SLC24A2: variants seen among roughly 807,000 people sequenced by gnomAD.
SLC24A2 encodes solute carrier family 24 member 2.
SLC24A2 carries 36 observed loss-of-function variants against 62.0 expected under a neutral mutation model. The ratio of observed to expected loss-of-function variants is 0.58; its 90% CI spans 0.44 to 0.77. The LOEUF (loss-of-function observed/expected upper bound fraction) is 0.77. Ranked by LOEUF, SLC24A2 falls within the 30% of genes least tolerant of loss-of-function variation. The probability of loss-of-function intolerance (pLI) is 0.00; values close to 1 mark genes in which losing one functional copy is unlikely to be tolerated. For synonymous variants in SLC24A2, 358 were observed against 294.0 expected, an observed-to-expected ratio of 1.22 and a Z score of -2.23; for missense variants, 846 against 817.9, an observed-to-expected ratio of 1.03 and a Z score of -0.42.
At chr9:19,894,499 G>A in the SLC24A2 span, among the ~76,000 whole-genome samples, 2 of 152,000 alleles carry the variant, frequency 1.3e-5, no homozygotes, top group Admixed American at 1.3e-4. Context: ...TTGATGAAAC[G>A]GCCAATTTTG....
the SLC24A2 span, among the ~76,000 whole-genome samples, chr9:20,296,540 A>C: frequency 6.6e-6 from 1 of 152,250 alleles, no homozygotes; most frequent in Non-Finnish European, 1.5e-5. Flanking sequence ...TCAGTAAATG[A>C]AGATGTAAAG....
At chr9:20,041,649 C>T in the SLC24A2 span, among the ~76,000 whole-genome samples, 1 of 152,216 alleles carries the variant, frequency 6.6e-6, no homozygotes, top group Admixed American at 6.5e-5. Context: ...CAGGGTCTGC[C>T]TCATACATAT....
chr9:19,647,068 GCACACACACACA>G (rs142480390), intron 2 of SLC24A2, among the ~76,000 whole-genome samples: 4 of 80,008 alleles, frequency 5.0e-5, no homozygotes, highest in East Asian at 6.4e-4. Context: ...ACACACGCGC[GCACACACACACA>G]CACACACACA....
upstream of SLC24A2, among the ~76,000 whole-genome samples, chr9:19,791,090 A>G (rs1823314894): frequency 6.6e-6 from 1 of 152,224 alleles, no homozygotes; most frequent in South Asian, 2.1e-4. Flanking sequence ...TCTCATGGTA[A>G]AAAGAAGTCT....
chr9:19,564,746 C>A (rs1835579641), intron 7 of SLC24A2, among the ~76,000 whole-genome samples: 3 of 152,100 alleles, frequency 2.0e-5, no homozygotes, highest in Admixed American at 2.0e-4. Context: ...AAATGTAGGA[C>A]ACAGTTTTTA....
the SLC24A2 span, among the ~76,000 whole-genome samples, chr9:20,160,622 C>A: frequency 6.6e-6 from 1 of 150,800 alleles, no homozygotes; most frequent in Non-Finnish European, 1.5e-5. Flanking sequence ...ATCAAAAAAA[C>A]CATTTCATGT....
At chr9:20,267,420 C>T in the SLC24A2 span, among the ~76,000 whole-genome samples, 15 of 152,298 alleles carry the variant, frequency 9.8e-5, no homozygotes, top group African/African-American at 3.4e-4. Flanking sequence ...GCTGGCGTCT[C>T]CTAGTGCTTG....
the SLC24A2 span, among the ~76,000 whole-genome samples, chr9:20,163,007 A>G: frequency 9.9e-5 from 15 of 152,136 alleles, no homozygotes; most frequent in Non-Finnish European, 1.8e-4. Flanking sequence ...ATCTATGACA[A>G]ACTCACAGCC....
the SLC24A2 span, among the ~76,000 whole-genome samples, chr9:19,906,316 A>G: frequency 6.6e-6 from 1 of 150,772 alleles, no homozygotes; most frequent in African/African-American, 2.4e-5. Flanking sequence ...TCTCTGGGAC[A>G]CATTCAAAGC....
chr9:19,713,939 A>T (rs570326666), intron 2 of SLC24A2, among the ~76,000 whole-genome samples: 8 of 152,318 alleles, frequency 5.3e-5, no homozygotes, highest in African/African-American at 1.7e-4. Context: ...AAGGGAAGAA[A>T]ATCCCCAAAC....
At chr9:20,135,631 C>G in the SLC24A2 span, among the ~76,000 whole-genome samples, 1 of 152,042 alleles carries the variant, frequency 6.6e-6, no homozygotes, top group African/African-American at 2.4e-5. Flanking sequence ...ATCATGTCTC[C>G]CCTTAAGTGA....
chr9:19,696,662 C>T (rs187773661), intron 2 of SLC24A2, among the ~76,000 whole-genome samples: 98 of 151,924 alleles, frequency 6.5e-4, no homozygotes, highest in African/African-American at 2.3e-3. Flanking sequence ...TAATATCATC[C>T]GAAAGATAAA....
the SLC24A2 span, among the ~76,000 whole-genome samples, chr9:20,294,074 G>A: frequency 3.0e-3 from 456 of 152,008 alleles, 2 homozygotes; most frequent in African/African-American, 0.011. Context: ...TTTTCTCCTA[G>A]ACCATCATCT....
chr9:20,023,481 C>G, the SLC24A2 span, among the ~76,000 whole-genome samples: 1 of 152,276 alleles, frequency 6.6e-6, no homozygotes, highest in Non-Finnish European at 1.5e-5. Flanking sequence ...ATCTTTGTAG[C>G]TGTCACTCAT....
Position 19,511,329 on chromosome 9 carries a change from G to A in SLC24A2, c.*4824C>T, listed in dbSNP as rs1343061054. On this transcript the variant is annotated 3_prime_UTR_variant, in exon 11 of 11. Coordinates refer to ENST00000341998, the MANE Select transcript of SLC24A2 (RefSeq NM_020344.4). Reference sequence around the variant, plus strand: ...AGAGTCAGGGAGCTAACAGTAAATAGAAGGTGGAATAGGGCAGGGTTACTT... The same window carrying A: ...AGAGTCAGGGAGCTAACAGTAAATAAAAGGTGGAATAGGGCAGGGTTACTT... 1 of 152,144 alleles carries A rather than the reference G, an allele frequency of 6.6e-6. No individual in the cohort carries two copies. Among genetic ancestry groups the A allele is most frequent in the Admixed American group, 6.5e-5 (1 of 15,268 alleles). 9.4% of individuals were successfully genotyped at this position (152,144 alleles called of 1,614,324 possible).
At chr9:20,236,438 C>T in the SLC24A2 span, among the ~76,000 whole-genome samples, 3 of 152,098 alleles carry the variant, frequency 2.0e-5, no homozygotes, top group Admixed American at 6.5e-5. Context: ...AGGGAGGAGG[C>T]CATCATGAAA....
rs779642132 is a variant in SLC24A2, at chr9:19,786,321, T to G, written c.546A>C (p.Ala182=). The change falls in exon 2 of 11, where the codon GCA becomes GCC. Residue 182 remains alanine, a synonymous_variant. Transcript: ENST00000341998. This position sits in a 1 kb window ranked among gnomAD's most constrained non-coding sequence, Gnocchi z 5.0. The stretch of plus-strand genomic sequence containing the variant: ...TGAAAAGTTCTGGGGCTGACCCTCC[T>G]GCAGCCATGAAGGTGGCTCCAGCCA... ...DDVAGATFMA[A]GGSAPELFTS... 2.5e-6 allele frequency: 4 copies of G among 1,614,062 alleles called. No individual in the cohort carries two copies. The highest frequency in any genetic ancestry group is 1.7e-6 in the Non-Finnish European group (2 of 1,180,040).
At chr9:19,985,899 G>A in the SLC24A2 span, among the ~76,000 whole-genome samples, 9 of 151,988 alleles carry the variant, frequency 5.9e-5, no homozygotes, top group Non-Finnish European at 1.0e-4. Flanking sequence ...AAAAGCATGA[G>A]CAACACAAGA....
chr9:19,922,656 T>G, the SLC24A2 span, among the ~76,000 whole-genome samples: 75,242 of 151,902 alleles, frequency 0.5, 19,262 homozygotes, highest in Non-Finnish European at 0.57. Context: ...ACAGTCACTG[T>G]AAATCACAGC....
Sources: gnomAD v4.1 joint callset for allele counts (sites outside exome capture counted in the v4.1 genomes callset) on GRCh38, gnomAD v4.1.1 for gene constraint, Gnocchi (gnomAD v3.1) non-coding constraint, MANE v1.5 for transcripts, NCBI Gene and HGNC (gene_info 2026-07-23, HGNC 2026-07-21) for gene names.